NEDD9: variants seen among roughly 807,000 people sequenced by gnomAD.
NEDD9 encodes neural precursor cell expressed, developmentally down-regulated 9.
In NEDD9, 26 loss-of-function variants were observed where a neutral mutation model predicts 76.6. That is an observed-to-expected ratio of 0.34 (90% confidence interval 0.25 to 0.47). The LOEUF (loss-of-function observed/expected upper bound fraction) is 0.47. NEDD9 is among the 20% of genes least tolerant of loss of function. The pLI is 1.00. For missense variants in NEDD9, 937 were observed against 1,058.5 expected, an observed-to-expected ratio of 0.89 and a Z score of 1.59; for synonymous variants, 392 against 414.2, an observed-to-expected ratio of 0.95 and a Z score of 0.65.
chr6:11,355,468 G>C (rs1762547868), intron 1 of NEDD9, among the ~76,000 whole-genome samples: 1 of 152,178 alleles, frequency 6.6e-6, no homozygotes, highest in Non-Finnish European at 1.5e-5. Flanking sequence ...GTGTCGTGAA[G>C]TCTCCGACCT....
chr6:11,256,746 G>T (rs1473946206), intron 3 of NEDD9, among the ~76,000 whole-genome samples: 1 of 152,196 alleles, frequency 6.6e-6, no homozygotes, highest in Non-Finnish European at 1.5e-5. Flanking sequence ...TTACAGGTGT[G>T]AGCCACCCTG....
At chr6:11,366,009 G>T (rs1412924300) in intron 1 of NEDD9, among the ~76,000 whole-genome samples, 1 of 151,630 alleles carries the variant, frequency 6.6e-6, no homozygotes, top group Non-Finnish European at 1.5e-5. Context: ...AAAGAGGCTG[G>T]GCGTGGTGGC....
chr6:11,272,807 T>C (rs1006612413), intron 3 of NEDD9, among the ~76,000 whole-genome samples: 1 of 152,220 alleles, frequency 6.6e-6, no homozygotes, highest in Non-Finnish European at 1.5e-5. Context: ...TTCGGCTTCA[T>C]CCTGGTCACA....
chr6:11,299,420 G>A (rs567983488), intron 3 of NEDD9, among the ~76,000 whole-genome samples: 1 of 152,346 alleles, frequency 6.6e-6, no homozygotes, highest in African/African-American at 2.4e-5. Context: ...CACCTCTGGG[G>A]TCAGGGCATA....
At chr6:11,291,324 G>C (rs1341128628) in intron 3 of NEDD9, among the ~76,000 whole-genome samples, 2 of 145,174 alleles carry the variant, frequency 1.4e-5, no homozygotes, top group South Asian at 2.2e-4. Flanking sequence ...GCCCAGGCTG[G>C]AGTGCAGTGG....
rs758864980 is a variant in NEDD9, at chr6:11,185,532, T to C, written c.2135A>G (p.Tyr712Cys). ...AQDRQLLCFY[Y>C]DQCETHFISL... is the part of the protein sequence containing the mutation. ...AATGAAATGGGTCTCACATTGGTCA[T>C]AGTAGAAGCACAGCAACTGCCGATC... The change falls in exon 7 of 7, where the codon TAT becomes TGT. Residue 712 changes from tyrosine to cysteine, a missense_variant. Physicochemically the swap from Tyr to Cys is radical, Grantham distance 194. Coordinates refer to ENST00000379446, the MANE Select transcript of NEDD9 (RefSeq NM_006403.4). 4 of 1,614,228 alleles carry C rather than the reference T, an allele frequency of 2.5e-6. No homozygotes were observed. Among genetic ancestry groups the C allele is most frequent in the Non-Finnish European group, 3.4e-6 (4 of 1,180,036 alleles).
chr6:11,275,328 A>G (rs748449024), intron 3 of NEDD9, among the ~76,000 whole-genome samples: 6 of 152,172 alleles, frequency 3.9e-5, no homozygotes, highest in African/African-American at 9.7e-5. Flanking sequence ...CAGAGAATCT[A>G]TTGTGTGTCA....
upstream of NEDD9, chr6:11,232,804 G>A: frequency 3.0e-6 from 3 of 992,116 alleles, no homozygotes; most frequent in Non-Finnish European, 4.1e-6. Flanking sequence ...AACTTGTAAT[G>A]TGATCGCTTC....
chr6:11,236,229 G>A (rs1260390690), upstream of NEDD9, among the ~76,000 whole-genome samples: 3 of 152,236 alleles, frequency 2.0e-5, no homozygotes, highest in East Asian at 5.8e-4. The surrounding 1 kb of genome is among the most constrained non-coding windows in gnomAD (Gnocchi z 5.5). Context: ...CTAGAACTCT[G>A]GGCCTCCGGT....
intron 2 of NEDD9, among the ~76,000 whole-genome samples, chr6:11,307,029 C>T (rs1191161094): frequency 2.6e-5 from 4 of 152,076 alleles, no homozygotes; most frequent in African/African-American, 7.2e-5. Flanking sequence ...ACACGGGGCA[C>T]GTGAATATCT....
chr6:11,233,722 A>G (rs1162284819), upstream of NEDD9, among the ~76,000 whole-genome samples: 1 of 152,204 alleles, frequency 6.6e-6, no homozygotes, highest in African/African-American at 2.4e-5. Context: ...CAGAAAACAG[A>G]AATGGTCACC....
chr6:11,231,459 T>G (rs1424299553), intron 1 of NEDD9, among the ~76,000 whole-genome samples: 1 of 152,178 alleles, frequency 6.6e-6, no homozygotes, highest in African/African-American at 2.4e-5. Flanking sequence ...CAGAAAAATT[T>G]AGAAAAAAAG....
chr6:11,342,357 A>T (rs1258670553), intron 1 of NEDD9, among the ~76,000 whole-genome samples: 1 of 152,196 alleles, frequency 6.6e-6, no homozygotes, highest in Non-Finnish European at 1.5e-5. Context: ...GATGAAGATA[A>T]AGGAAGCCCC....
chr6:11,291,742 G>C (rs1196946609), intron 3 of NEDD9, among the ~76,000 whole-genome samples: 1 of 152,146 alleles, frequency 6.6e-6, no homozygotes, highest in Non-Finnish European at 1.5e-5. Flanking sequence ...TGCCTCTGTG[G>C]GTTACAGCAC....
At chr6:11,232,304 C>A (rs866257154) in intron 1 of NEDD9, among the ~76,000 whole-genome samples, 200 bp downstream of exon 1, 3 of 152,180 alleles carry the variant, frequency 2.0e-5, no homozygotes, top group African/African-American at 7.2e-5. Flanking sequence ...CTCGGGTGTA[C>A]TGTGAACCCC....
intron 3 of NEDD9, among the ~76,000 whole-genome samples, chr6:11,273,600 C>T (rs1169448065): frequency 6.6e-6 from 1 of 152,188 alleles, no homozygotes; most frequent in Non-Finnish European, 1.5e-5. Context: ...TTCCGGCCGG[C>T]AGATTCCGTC....
intron 2 of NEDD9, among the ~76,000 whole-genome samples, chr6:11,204,797 A>G (rs1263895063): frequency 6.6e-6 from 1 of 152,072 alleles, no homozygotes; most frequent in African/African-American, 2.4e-5. Context: ...GAGAAAGCCA[A>G]CATAGCAACA....
At chr6:11,309,606 T>C (rs1761305265) in intron 2 of NEDD9, among the ~76,000 whole-genome samples, 4 of 152,344 alleles carry the variant, frequency 2.6e-5, no homozygotes, top group Non-Finnish European at 5.9e-5. Context: ...TCAATCGATA[T>C]TCTCATCAAC....
At chr6:11,361,235 C>T (rs1213782261) in intron 1 of NEDD9, among the ~76,000 whole-genome samples, 4 of 152,182 alleles carry the variant, frequency 2.6e-5, no homozygotes, top group Non-Finnish European at 5.9e-5. Context: ...TCCAGCCAAA[C>T]TCTAGATCAT....
Sources: allele counts gnomAD v4.1 joint callset (sites outside exome capture counted in the v4.1 genomes callset), GRCh38; gene constraint gnomAD v4.1.1; non-coding constraint Gnocchi (gnomAD v3.1); transcripts MANE v1.5; gene names NCBI Gene and HGNC (gene_info 2026-07-23, HGNC 2026-07-21).